Variants in HTR1E observed in about 807,000 individuals in gnomAD.
HTR1E encodes 5-hydroxytryptamine receptor 1E, also known as 5-HT-1E.
HTR1E carries 3 observed loss-of-function variants against 3.4 expected under a neutral mutation model. The observed-to-expected ratio is 0.89, with a 90% CI of 0.41 to 2.31. HTR1E has a LOEUF of 2.31. HTR1E is among the 30% of genes most tolerant of loss of function. HTR1E has a pLI of 0.05. For missense variants in HTR1E, 392 were observed against 467.0 expected, an observed-to-expected ratio of 0.84 and a Z score of 1.48; for synonymous variants, 170 against 182.8, an observed-to-expected ratio of 0.93 and a Z score of 0.56.
intron 1 of HTR1E, among the ~76,000 whole-genome samples, chr6:86,979,981 C>T (rs946713200): frequency 2.6e-5 from 4 of 152,180 alleles, no homozygotes; most frequent in African/African-American, 7.2e-5. Flanking sequence ...CCCATTCTCA[C>T]TCTCTCCCCA....
intron 1 of HTR1E, among the ~76,000 whole-genome samples, chr6:86,961,558 G>A (rs1295391526): frequency 6.6e-6 from 1 of 152,114 alleles, no homozygotes; most frequent in Non-Finnish European, 1.5e-5. Flanking sequence ...CGGATTTAAT[G>A]ATTCACTTCC....
At chr6:86,952,870 C>G (rs1767266677) in intron 1 of HTR1E, among the ~76,000 whole-genome samples, 1 of 152,182 alleles carries the variant, frequency 6.6e-6, no homozygotes, top group South Asian at 2.1e-4. Context: ...TTCACAGCAA[C>G]ATCATACATT....
At chr6:86,993,567 CAAA>C (rs765234146) in intron 1 of HTR1E, among the ~76,000 whole-genome samples, 1 of 125,216 alleles carries the variant, frequency 8.0e-6, no homozygotes, top group Non-Finnish European at 1.7e-5. Flanking sequence ...AAGCACTACC[CAAA>C]AAAAAAAAAA....
intron 1 of HTR1E, among the ~76,000 whole-genome samples, chr6:86,938,147 A>G (rs185884600): frequency 1.3e-5 from 2 of 152,280 alleles, no homozygotes; most frequent in African/African-American, 4.8e-5. Context: ...TTAAATAGGT[A>G]TGGAACGGGT....
At chr6:86,943,976 G>T (rs111504812) in intron 1 of HTR1E, among the ~76,000 whole-genome samples, 66 of 152,246 alleles carry the variant, frequency 4.3e-4, no homozygotes, top group African/African-American at 1.4e-3. Flanking sequence ...ACATCTCAAG[G>T]CTCAACTGGG....
chr6:86,979,685 A>G (rs1449067125), intron 1 of HTR1E, among the ~76,000 whole-genome samples: 4 of 152,226 alleles, frequency 2.6e-5, no homozygotes, highest in Non-Finnish European at 5.9e-5. Flanking sequence ...CAATCAAAGT[A>G]CTTGTAGGAA....
intron 1 of HTR1E, among the ~76,000 whole-genome samples, chr6:86,999,239 G>A (rs1767984983): frequency 1.3e-5 from 2 of 152,058 alleles, no homozygotes; most frequent in Admixed American, 1.3e-4. Context: ...TGGTATTACA[G>A]GCATGAGCCA....
chr6:86,955,332 C>G (rs1193652284), intron 1 of HTR1E, among the ~76,000 whole-genome samples: 1 of 152,100 alleles, frequency 6.6e-6, no homozygotes, highest in East Asian at 1.9e-4. Context: ...AATGAGACGC[C>G]TGCATGCGGT....
intron 1 of HTR1E, among the ~76,000 whole-genome samples, chr6:86,985,409 T>C (rs1767771413): frequency 6.6e-6 from 1 of 152,200 alleles, no homozygotes; most frequent in African/African-American, 2.4e-5. Context: ...TAATTATGTG[T>C]ATAGGGAACA....
chr6:86,966,444 T>C (rs1167029991), intron 1 of HTR1E, among the ~76,000 whole-genome samples: 1 of 152,192 alleles, frequency 6.6e-6, no homozygotes, highest in Non-Finnish European at 1.5e-5. Flanking sequence ...AGTGGACAGA[T>C]GGAATCTCAT....
rs184912804 is a variant in HTR1E, at chr6:86,991,805, A to G, written c.-185-23345A>G. ...AACACAAATGTGTAGCGGCTGTCCA[A>G]TAATGATTATGTTTAATAGTAGAAT... On this transcript the variant is annotated intron_variant, in intron 1 of 1. Coordinates refer to ENST00000305344, the MANE Select transcript of HTR1E (RefSeq NM_000865.3). 1.4e-4 allele frequency among the ~76,000 whole-genome samples: 21 copies of G among 152,338 alleles called. No homozygotes were observed. In the East Asian group the frequency reaches 3.7e-3, roughly 27 times the overall value.
chr6:86,953,918 C>T (rs1384168420), intron 1 of HTR1E, among the ~76,000 whole-genome samples: 1 of 152,058 alleles, frequency 6.6e-6, no homozygotes, highest in Non-Finnish European at 1.5e-5. Flanking sequence ...GGGGGAGGTG[C>T]TGCACACTTA....
At chr6:86,996,680 C>T (rs992760255) in intron 1 of HTR1E, among the ~76,000 whole-genome samples, 1 of 151,876 alleles carries the variant, frequency 6.6e-6, no homozygotes, top group Admixed American at 6.6e-5. Flanking sequence ...CCTCAAAAAG[C>T]GTGAACTATT....
chr6:86,974,850 C>T (rs575854375), intron 1 of HTR1E, among the ~76,000 whole-genome samples: 1 of 152,240 alleles, frequency 6.6e-6, no homozygotes, highest in South Asian at 2.1e-4. Context: ...AAGATTTGGC[C>T]AGCAGAAACC....
intron 1 of HTR1E, among the ~76,000 whole-genome samples, chr6:86,972,464 T>C (rs1045675255): frequency 9.8e-5 from 15 of 152,294 alleles, no homozygotes; most frequent in South Asian, 8.3e-4. Context: ...AATATTGTTG[T>C]ATGGGGCAGT....
intron 1 of HTR1E, among the ~76,000 whole-genome samples, chr6:86,938,839 C>G (rs1466890011): frequency 6.6e-6 from 1 of 152,186 alleles, no homozygotes; most frequent in African/African-American, 2.4e-5. Flanking sequence ...AAGCTCTAAG[C>G]AGTACATCGT....
intron 1 of HTR1E, among the ~76,000 whole-genome samples, chr6:86,979,836 G>A (rs1767686394): frequency 6.6e-6 from 1 of 152,282 alleles, no homozygotes; most frequent in South Asian, 2.1e-4. Context: ...AGCCATTACC[G>A]CTTCTATGCC....
At chr6:86,976,692 GA>G (rs1767644171) in intron 1 of HTR1E, among the ~76,000 whole-genome samples, 1 of 152,184 alleles carries the variant, frequency 6.6e-6, no homozygotes, top group Non-Finnish European at 1.5e-5. Context: ...TATAAAGAAA[GA>G]AACTACACAT....
chr6:86,999,709 G>C (rs1221889145), intron 1 of HTR1E, among the ~76,000 whole-genome samples: 1 of 152,132 alleles, frequency 6.6e-6, no homozygotes, highest in African/African-American at 2.4e-5. Flanking sequence ...TATTGGAATA[G>C]CGCTTGGGAA....
Sources: gnomAD v4.1 joint callset for allele counts (sites outside exome capture counted in the v4.1 genomes callset) on GRCh38, gnomAD v4.1.1 for gene constraint, MANE v1.5 for transcripts, NCBI Gene and HGNC (gene_info 2026-07-23, HGNC 2026-07-21) for gene names.